The following PRR5L variants were observed in gnomAD, a reference collection of about 807,000 sequenced individuals.
The protein encoded by PRR5L is proline-rich protein 5-like.
Under a neutral mutation model 36.4 loss-of-function variants are expected in PRR5L, and 21 were observed. The observed-to-expected ratio is 0.58, with a 90% confidence interval of 0.41 to 0.83. PRR5L has a LOEUF of 0.83. Ranked by LOEUF, PRR5L falls within the 40% of genes least tolerant of loss-of-function variation. PRR5L has a pLI of 0.00. For synonymous variants in PRR5L, 188 were observed against 197.0 expected (o/e 0.95, Z 0.38); for missense variants, 381 against 473.3 (o/e 0.80, Z 1.81).
intron 8 of PRR5L, among the ~76,000 whole-genome samples, chr11:36,457,587 C>T (rs1413545540): frequency 1.4e-5 from 2 of 145,470 alleles, no homozygotes; most frequent in Non-Finnish European, 3.0e-5. Context: ...GCCTGGGCAA[C>T]AGAGTGAGAC....
chr11:36,296,959 A>G (rs1460184815), intron 1 of PRR5L, among the ~76,000 whole-genome samples: 1 of 152,188 alleles, frequency 6.6e-6, no homozygotes, highest in Non-Finnish European at 1.5e-5. Context: ...AGGTCATCAC[A>G]ATATTTCACT....
rs573948490 is a variant in PRR5L, at chr11:36,381,412, T to C, written c.-125-19585T>C. On this transcript the variant is annotated intron_variant, in intron 1 of 8. Coordinates refer to ENST00000530639, the MANE Select transcript of PRR5L (RefSeq NM_001160167.2). Reference sequence around the variant, plus strand: ...CTGGAAGAATAGCTGAAAGGATTTGTTTTTATCTTTTTCCCAAGGACAGGG... The same window carrying C: ...CTGGAAGAATAGCTGAAAGGATTTGCTTTTATCTTTTTCCCAAGGACAGGG... Among the ~76,000 whole-genome samples, 28 of 151,732 alleles carry C rather than the reference T, an allele frequency of 1.8e-4. 1 individual carries two copies. The South Asian group carries it at 5.7e-3, about 31-fold the overall frequency.
intron 6 of PRR5L, among the ~76,000 whole-genome samples, chr11:36,443,224 G>C (rs892702402): frequency 6.6e-6 from 1 of 152,194 alleles, no homozygotes; most frequent in Non-Finnish European, 1.5e-5. Context: ...CACATGATGA[G>C]AGAAGGAAGC....
intron 3 of PRR5L, among the ~76,000 whole-genome samples, chr11:36,409,696 T>C (rs1344558894): frequency 3.3e-5 from 5 of 152,204 alleles, no homozygotes; most frequent in Admixed American, 3.3e-4. Flanking sequence ...GAGGTAATGA[T>C]AACTGCAGAC....
intron 1 of PRR5L, among the ~76,000 whole-genome samples, chr11:36,338,554 A>G (rs989992958): frequency 8.5e-5 from 13 of 152,102 alleles, no homozygotes; most frequent in African/African-American, 3.1e-4. Context: ...TTTTTTACAC[A>G]CTTAGATCTT....
intron 4 of PRR5L, among the ~76,000 whole-genome samples, chr11:36,421,320 G>A (rs1858260874): frequency 6.6e-6 from 1 of 152,110 alleles, no homozygotes; most frequent in Non-Finnish European, 1.5e-5. Flanking sequence ...AAGCCTTGAG[G>A]TTTTTGGGGG....
At chr11:36,454,498 G>A (rs949085846) in intron 8 of PRR5L, among the ~76,000 whole-genome samples, 2 of 152,160 alleles carry the variant, frequency 1.3e-5, no homozygotes, top group Non-Finnish European at 2.9e-5. Context: ...TTTACCTATG[G>A]GAGGGCTTTG....
At chr11:36,303,018 G>C (rs569727526) in intron 1 of PRR5L, among the ~76,000 whole-genome samples, 103 of 152,262 alleles carry the variant, frequency 6.8e-4, no homozygotes, top group African/African-American at 2.3e-3. Context: ...GTCAGGATTC[G>C]AGCCCAGGCA....
chr11:36,308,060 T>G (rs1057125958), intron 1 of PRR5L, among the ~76,000 whole-genome samples: 11 of 152,204 alleles, frequency 7.2e-5, no homozygotes, highest in African/African-American at 2.7e-4. Flanking sequence ...CCCTGGGGTT[T>G]GTGCTGGAGG....
chr11:36,370,617 C>G (rs1487553776), intron 1 of PRR5L, among the ~76,000 whole-genome samples: 1 of 152,182 alleles, frequency 6.6e-6, no homozygotes, highest in Non-Finnish European at 1.5e-5. Flanking sequence ...CGAGGTGGCT[C>G]ACGCCTGTAA....
intron 1 of PRR5L, among the ~76,000 whole-genome samples, chr11:36,399,658 T>C (rs556838265): frequency 1.1e-3 from 173 of 152,372 alleles, no homozygotes; most frequent in African/African-American, 3.8e-3. Context: ...GTGAAAACAC[T>C]TCTGGGCTAA....
chr11:36,410,993 G>A (rs1227253668), intron 3 of PRR5L, among the ~76,000 whole-genome samples: 1 of 152,178 alleles, frequency 6.6e-6, no homozygotes, highest in Non-Finnish European at 1.5e-5. Context: ...AGAGAACTTG[G>A]GGCAAACCCT....
intron 1 of PRR5L, among the ~76,000 whole-genome samples, chr11:36,316,585 G>A (rs1394656741): frequency 6.6e-6 from 1 of 152,070 alleles, no homozygotes; most frequent in Non-Finnish European, 1.5e-5. Context: ...CTGTTCCTGG[G>A]TCAGATCACA....
intron 1 of PRR5L, among the ~76,000 whole-genome samples, chr11:36,362,527 A>C (rs1171319994): frequency 6.6e-6 from 1 of 152,032 alleles, no homozygotes; most frequent in East Asian, 1.9e-4. Flanking sequence ...CCAAAAAAGG[A>C]CGTTTTAGAC....
chr11:36,351,545 TTATATATATTTATATA>T (rs1565408548), intron 1 of PRR5L, among the ~76,000 whole-genome samples: 168 of 6,522 alleles, frequency 0.026, 6 homozygotes, highest in African/African-American at 0.1. Context: ...AAATATATAT[TTATATATATTTATATA>T]TTTATATATT....
chr11:36,420,892 A>C (rs1344784723), intron 4 of PRR5L, among the ~76,000 whole-genome samples: 1 of 144,892 alleles, frequency 6.9e-6, no homozygotes, highest in Non-Finnish European at 1.5e-5. Context: ...CAGCTCCTCT[A>C]AATCTGGACA....
chr11:36,451,140 T>G, intron 7 of PRR5L, 69 bp from the exon 8 acceptor site: 1 of 1,574,964 alleles, frequency 6.3e-7, no homozygotes, highest in Non-Finnish European at 8.7e-7. Flanking sequence ...TCAGGATTTG[T>G]TGAGTGAGAA....
At chr11:36,387,625 GA>G (rs1857482001) in intron 1 of PRR5L, among the ~76,000 whole-genome samples, 1 of 152,180 alleles carries the variant, frequency 6.6e-6, no homozygotes, top group African/African-American at 2.4e-5. Context: ...TGCACAGCCA[GA>G]GATGGTGAAA....
In PRR5L at chr11:36,462,422, A is replaced by G. The variant is rs565415763; in HGVS notation, c.793A>G (p.Asn265Asp). The part of the protein sequence containing the change: ...SPITAVSRPL[N>D]EMVLTPLTEQ... ...GATAACCGCAGTCAGCCGGCCACTG[A>G]ATGAGATGGTCTTGACCCCACTGAC... The change falls in exon 9 of 9, where the codon AAT (asparagine) becomes GAT (aspartate). Residue 265 changes from asparagine to aspartate, a missense_variant. Transcript: ENST00000530639. 6.3e-7 allele frequency: 1 copy of G among 1,589,154 alleles called. No homozygotes were observed. The highest frequency in any genetic ancestry group is 8.6e-7 in the Non-Finnish European group (1 of 1,165,634).
Sources: gnomAD v4.1 joint callset for allele counts (sites outside exome capture counted in the v4.1 genomes callset) on GRCh38, gnomAD v4.1.1 for gene constraint, MANE v1.5 for transcripts, NCBI Gene and HGNC (gene_info 2026-07-23, HGNC 2026-07-21) for gene names.